Variants in UTS2B observed in about 807,000 individuals in gnomAD.
UTS2B encodes the protein urotensin-2B.
Under a neutral mutation model 19.2 loss-of-function variants are expected in UTS2B, and 21 were observed. That is an observed-to-expected ratio of 1.09 (90% CI 0.78 to 1.58). The LOEUF (loss-of-function observed/expected upper bound fraction) is 1.58, where lower values mean the gene tolerates loss of function less well. Ranked by LOEUF, UTS2B falls within the 40% of genes most tolerant of loss-of-function variation. UTS2B has a pLI of 0.00. For missense variants in UTS2B, 138 were observed against 130.3 expected (o/e 1.06, Z -0.29); for synonymous variants, 57 against 50.2 (o/e 1.14, Z -0.58).
At chr3:191,316,930 CAGG>C (rs901635084) in intron 2 of UTS2B, among the ~76,000 whole-genome samples, 4 of 151,550 alleles carry the variant, frequency 2.6e-5, no homozygotes, top group African/African-American at 7.4e-5. Context: ...CCACCCGACT[CAGG>C]AGCCCAGCTG....
chr3:191,331,940 T>A (rs1441372684), upstream of UTS2B, among the ~76,000 whole-genome samples: 3 of 152,214 alleles, frequency 2.0e-5, no homozygotes, highest in Non-Finnish European at 4.4e-5. Flanking sequence ...ATGCAGATTT[T>A]TGAACCCCAT....
chr3:191,277,671 A>G (rs1000500037), intron 6 of UTS2B: 1 of 152,604 alleles, frequency 6.6e-6, no homozygotes, highest in Non-Finnish European at 1.5e-5. Context: ...AATAATGCTA[A>G]ATTAACTACA....
At chr3:191,305,286 A>G (rs1717107308) in intron 3 of UTS2B, among the ~76,000 whole-genome samples, 1 of 152,186 alleles carries the variant, frequency 6.6e-6, no homozygotes. Context: ...TCCCACCAAC[A>G]GTGTATAAGT....
At chr3:191,321,298 CAGA>C (rs1339123623) in intron 2 of UTS2B, among the ~76,000 whole-genome samples, 1 of 152,118 alleles carries the variant, frequency 6.6e-6, no homozygotes, top group Non-Finnish European at 1.5e-5. Flanking sequence ...AGATGATTAT[CAGA>C]AGGCTATACT....
intron 2 of UTS2B, among the ~76,000 whole-genome samples, chr3:191,320,565 A>G (rs960320911): frequency 2.0e-5 from 3 of 152,220 alleles, no homozygotes; most frequent in Non-Finnish European, 2.9e-5. Context: ...CTCCAGGGGA[A>G]TAAGAGCAGA....
chr3:191,287,262 G>A (rs191686121), intron 4 of UTS2B, among the ~76,000 whole-genome samples: 1 of 151,966 alleles, frequency 6.6e-6, no homozygotes, highest in Admixed American at 6.6e-5. Context: ...ATGAGGCCAG[G>A]ATTACTCTGA....
At chr3:191,302,431 G>T (rs1174607679) in intron 4 of UTS2B, among the ~76,000 whole-genome samples, 1 of 152,194 alleles carries the variant, frequency 6.6e-6, no homozygotes, top group Non-Finnish European at 1.5e-5. Context: ...AGCCTATGGA[G>T]TAGCCATACT....
Position 191,282,073 on chromosome 3 carries a change from T to C in UTS2B, c.103+14A>G, listed in dbSNP as rs1431889708. 6.4e-7 allele frequency: 1 copy of C among 1,558,538 alleles called. No individual in the cohort carries two copies. The highest frequency in any genetic ancestry group is 8.8e-7 in the Non-Finnish European group (1 of 1,139,492). On this transcript the variant is annotated intron_variant, in intron 5 of 8. Transcript: ENST00000340524. ...CTTACCCACCTGTAGGATTTTTAAT[T>C]GATATGCACGTACCTTGGGTAAGAT...
At chr3:191,317,301 G>T (rs923964629) in intron 2 of UTS2B, among the ~76,000 whole-genome samples, 6 of 152,184 alleles carry the variant, frequency 3.9e-5, no homozygotes, top group East Asian at 1.9e-4. Context: ...AGTGCGGGGG[G>T]GCCTCCCAAG....
chr3:191,290,696 T>A (rs1716689176), intron 4 of UTS2B, among the ~76,000 whole-genome samples: 1 of 152,236 alleles, frequency 6.6e-6, no homozygotes, highest in African/African-American at 2.4e-5. Flanking sequence ...ACTCAGTCTA[T>A]GTATCAATTA....
intron 8 of UTS2B, among the ~76,000 whole-genome samples, chr3:191,273,042 C>A (rs1329745247): frequency 2.0e-5 from 3 of 151,930 alleles, no homozygotes; most frequent in Non-Finnish European, 4.4e-5. Context: ...GTGGCGCCCA[C>A]CTGTAGTCCC....
chr3:191,335,439 CA>C (rs1711503461), upstream of UTS2B, among the ~76,000 whole-genome samples: 2 of 152,186 alleles, frequency 1.3e-5, no homozygotes, highest in Non-Finnish European at 2.9e-5. Context: ...ATAAGACCTA[CA>C]AAGGATAATT....
chr3:191,302,178 C>G (rs1372350588), intron 4 of UTS2B, among the ~76,000 whole-genome samples: 1 of 152,174 alleles, frequency 6.6e-6, no homozygotes, highest in Non-Finnish European at 1.5e-5. Flanking sequence ...CCTCACTGCC[C>G]ATTGTAAGCT....
At chr3:191,295,441 T>C (rs922713608) in intron 4 of UTS2B, among the ~76,000 whole-genome samples, 6 of 152,016 alleles carry the variant, frequency 3.9e-5, no homozygotes, top group Non-Finnish European at 5.9e-5. Flanking sequence ...TCTTTTAGCA[T>C]TTCCTCTTTC....
intron 8 of UTS2B, among the ~76,000 whole-genome samples, chr3:191,271,617 A>G (rs1716097349): frequency 6.6e-6 from 1 of 151,734 alleles, no homozygotes; most frequent in Admixed American, 6.6e-5. Flanking sequence ...ACCTACTCCT[A>G]CTCAGCCTCT....
At chr3:191,284,738 A>G (rs75591625) in intron 4 of UTS2B, among the ~76,000 whole-genome samples, 8 of 151,714 alleles carry the variant, frequency 5.3e-5, no homozygotes, top group African/African-American at 1.9e-4. Context: ...TTTGTTTCAC[A>G]TCTTTTTTTC....
intron 6 of UTS2B, among the ~76,000 whole-genome samples, chr3:191,277,099 C>T (rs1318594631): frequency 6.6e-6 from 1 of 152,072 alleles, no homozygotes; most frequent in Non-Finnish European, 1.5e-5. Context: ...GACCATAGTT[C>T]TAGCATGACC....
chr3:191,339,845 G>A, the UTS2B span, among the ~76,000 whole-genome samples: 1 of 152,160 alleles, frequency 6.6e-6, no homozygotes, highest in South Asian at 2.1e-4. Flanking sequence ...AAAGGCACCA[G>A]GTTGAACAAA....
At chr3:191,281,991 C>T in intron 5 of UTS2B, 96 bp downstream of exon 5, 1 of 875,644 alleles carries the variant, frequency 1.1e-6, no homozygotes, top group Non-Finnish European at 1.8e-6. Flanking sequence ...TTCCTTAAAA[C>T]ATTATTTCAA....
Sources: allele counts gnomAD v4.1 joint callset (sites outside exome capture counted in the v4.1 genomes callset), GRCh38; gene constraint gnomAD v4.1.1; transcripts MANE v1.5; gene names NCBI Gene and HGNC (gene_info 2026-07-23, HGNC 2026-07-21).